Variants in GRM3 observed in about 807,000 individuals in gnomAD.
GRM3 encodes the protein glutamate metabotropic receptor 3, also known as metabotropic glutamate receptor 3.
A neutral mutation model predicts 70.5 loss-of-function variants in GRM3; 26 were observed. The ratio of observed to expected loss-of-function variants is 0.37; its 90% CI spans 0.27 to 0.51. The LOEUF (loss-of-function observed/expected upper bound fraction) is 0.51. Among genes scored for constraint, GRM3 ranks in the 20% least tolerant of loss-of-function variants. The pLI, the probability that GRM3 is intolerant of heterozygous loss-of-function variation, is 0.93. For synonymous variants in GRM3, 443 were observed against 434.9 expected, an observed-to-expected ratio of 1.02 and a Z score of -0.23; for missense variants, 859 against 1,123.8, an observed-to-expected ratio of 0.76 and a Z score of 3.37.
chr7:86,715,000 A>G (rs1426541055), intron 1 of GRM3, among the ~76,000 whole-genome samples: 3 of 151,980 alleles, frequency 2.0e-5, no homozygotes, highest in South Asian at 2.1e-4. Context: ...TCATTCCTGT[A>G]TATTTTTTCT....
In GRM3 at chr7:86,838,973, G is replaced by A. The variant is rs1798510125; in HGVS notation, c.1459G>A (p.Ala487Thr). 3 of 1,613,878 alleles carry A rather than the reference G, an allele frequency of 1.9e-6. No individual in the cohort carries two copies. The highest frequency in any genetic ancestry group is 2.7e-5 in the African/African-American group (2 of 74,892). The change falls in exon 4 of 6, where the codon GCA (alanine) becomes ACA (threonine). Residue 487 changes from alanine (A) to threonine (T), a missense_variant. Transcript: ENST00000361669. ...TTCCTACTTGAAAGTTGGTCACTGG[G>A]CAGAAACCTTATCGCTAGATGTCAA... ...KYSYLKVGHW[A>T]ETLSLDVNSI...
intron 5 of GRM3, among the ~76,000 whole-genome samples, chr7:86,858,536 C>T (rs1282609640): frequency 6.6e-6 from 1 of 152,132 alleles, no homozygotes; most frequent in Non-Finnish European, 1.5e-5. Flanking sequence ...CTCACCATGT[C>T]ATGATACAGC....
chr7:86,861,598 A>C (rs1257651087), intron 5 of GRM3, among the ~76,000 whole-genome samples: 1 of 152,206 alleles, frequency 6.6e-6, no homozygotes, highest in East Asian at 1.9e-4. Flanking sequence ...ACATGAGTAG[A>C]TCAGAGGGAA....
At chr7:86,812,127 G>T (rs1343551225) in intron 3 of GRM3, among the ~76,000 whole-genome samples, 3 of 151,750 alleles carry the variant, frequency 2.0e-5, no homozygotes, top group Non-Finnish European at 4.4e-5. Flanking sequence ...AGTTTGAAAT[G>T]TTTTTATGAA....
intron 1 of GRM3, among the ~76,000 whole-genome samples, chr7:86,649,375 C>A (rs1312806726): frequency 6.6e-6 from 1 of 152,088 alleles, no homozygotes; most frequent in African/African-American, 2.4e-5. Context: ...ATTGAACAAT[C>A]TTTTTATTGA....
chr7:86,791,207 A>G (rs1243551258), intron 3 of GRM3, among the ~76,000 whole-genome samples: 1 of 152,216 alleles, frequency 6.6e-6, no homozygotes, highest in Non-Finnish European at 1.5e-5. Context: ...AATACTCAGC[A>G]TGGTTTCTGG....
At chr7:86,659,003 T>G (rs1249610343) in intron 1 of GRM3, among the ~76,000 whole-genome samples, 1 of 152,214 alleles carries the variant, frequency 6.6e-6, no homozygotes, top group Non-Finnish European at 1.5e-5. Flanking sequence ...CCATGTGGTA[T>G]GAGTAACAGG....
chr7:86,768,158 A>G (rs1210180835), intron 2 of GRM3, among the ~76,000 whole-genome samples: 1 of 152,216 alleles, frequency 6.6e-6, no homozygotes, highest in Non-Finnish European at 1.5e-5. Flanking sequence ...AGAAAATATC[A>G]TCTACCTCAA....
At chr7:86,751,255 A>G (rs939021133) in intron 1 of GRM3, among the ~76,000 whole-genome samples, 1 of 152,074 alleles carries the variant, frequency 6.6e-6, no homozygotes, top group Non-Finnish European at 1.5e-5. Context: ...AGAAGCAACC[A>G]ATTACGGCAA....
intron 1 of GRM3, among the ~76,000 whole-genome samples, chr7:86,656,848 AAAT>A (rs1162099305): frequency 6.6e-6 from 1 of 152,150 alleles, no homozygotes; most frequent in Non-Finnish European, 1.5e-5. Flanking sequence ...AATGTCTACA[AAAT>A]AATATAAGAT....
intron 1 of GRM3, among the ~76,000 whole-genome samples, chr7:86,698,453 T>A (rs76024849): frequency 0.078 from 11,811 of 150,816 alleles, 647 homozygotes; most frequent in Non-Finnish European, 0.11. Context: ...CCACCACAAA[T>A]AGAAATGTTT....
chr7:86,725,762 T>G (rs1562839772), intron 1 of GRM3, among the ~76,000 whole-genome samples: 1 of 152,156 alleles, frequency 6.6e-6, no homozygotes, highest in Non-Finnish European at 1.5e-5. Flanking sequence ...TTATTTCTCA[T>G]GCTTCTGAAG....
In GRM3 at chr7:86,816,626, G is replaced by A. The variant is rs139764102; in HGVS notation, c.1325-22213G>A. 6.1e-4 allele frequency among the ~76,000 whole-genome samples: 92 copies of A among 151,880 alleles called. 1 individual carries two copies. Among genetic ancestry groups the A allele is most frequent in the South Asian group, 3.1e-3 (15 of 4,812 alleles). On this transcript the variant is annotated intron_variant, in intron 3 of 5. Coordinates refer to ENST00000361669, the MANE Select transcript of GRM3 (RefSeq NM_000840.3). ...ATATTACTGCAAAGGATATGATCTC[G>A]TTCCTTTTTATGACTGTGTAGTATT... is the stretch of plus-strand genomic sequence containing the variant.
chr7:86,812,713 T>C (rs934966905), intron 3 of GRM3, among the ~76,000 whole-genome samples: 1 of 151,816 alleles, frequency 6.6e-6, no homozygotes, highest in Non-Finnish European at 1.5e-5. Flanking sequence ...CAGATATTTG[T>C]TGTGGAAAAA....
In GRM3 at chr7:86,839,008, C is replaced by G. The variant is rs766121666; in HGVS notation, c.1494C>G (p.His498Gln). 11 of 1,614,148 alleles carry G rather than the reference C, an allele frequency of 6.8e-6. No homozygotes were observed. Among genetic ancestry groups the G allele is most frequent in the Non-Finnish European group, 9.3e-6 (11 of 1,179,998 alleles). The change falls in exon 4 of 6, where the codon CAC becomes CAG. Residue 498 changes from histidine to glutamine, a missense_variant. By Grantham distance (24) the His-to-Gln change is conservative. Transcript: ENST00000361669. This position sits in a 1 kb window ranked among gnomAD's most constrained non-coding sequence, Gnocchi z 4.5. ...ETLSLDVNSI[H>Q]WSRNSVPTSQ... Reference sequence around the variant, plus strand: ...TATCGCTAGATGTCAACTCTATCCACTGGTCCCGGAACTCAGTCCCCACTT... The same window carrying G: ...TATCGCTAGATGTCAACTCTATCCAGTGGTCCCGGAACTCAGTCCCCACTT...
intron 1 of GRM3, among the ~76,000 whole-genome samples, chr7:86,752,174 C>T (rs866551360): frequency 6.6e-6 from 1 of 152,076 alleles, no homozygotes; most frequent in African/African-American, 2.4e-5. Flanking sequence ...AAGTCAGTAA[C>T]CTCTCATATT....
intron 1 of GRM3, among the ~76,000 whole-genome samples, chr7:86,657,334 G>C (rs1185992236): frequency 6.6e-6 from 1 of 152,170 alleles, no homozygotes; most frequent in Non-Finnish European, 1.5e-5. Flanking sequence ...TCAGGAGCTT[G>C]GCTGTGAGAC....
chr7:86,709,787 C>G (rs1795150505), intron 1 of GRM3, among the ~76,000 whole-genome samples: 1 of 152,026 alleles, frequency 6.6e-6, no homozygotes, highest in Admixed American at 6.6e-5. Context: ...ACATCTGAGC[C>G]TTACCATAAA....
At chr7:86,809,292 C>A (rs1403111097) in intron 3 of GRM3, among the ~76,000 whole-genome samples, 1 of 151,932 alleles carries the variant, frequency 6.6e-6, no homozygotes. Context: ...ACAGTACTTA[C>A]CAAAATAATA....
Sources: allele counts gnomAD v4.1 joint callset (sites outside exome capture counted in the v4.1 genomes callset), GRCh38; gene constraint gnomAD v4.1.1; non-coding constraint Gnocchi (gnomAD v3.1); transcripts MANE v1.5; gene names NCBI Gene and HGNC (gene_info 2026-07-23, HGNC 2026-07-21).